The following TYRO3 variants were observed in gnomAD, a reference collection of about 807,000 sequenced individuals.
The protein encoded by TYRO3 is tyrosine-protein kinase receptor TYRO3.
Under a neutral mutation model 95.2 loss-of-function variants are expected in TYRO3, and 38 were observed. The ratio of observed to expected loss-of-function variants is 0.40; its 90% confidence interval spans 0.31 to 0.52. The LOEUF (loss-of-function observed/expected upper bound fraction) is 0.52. Among genes scored for constraint, TYRO3 ranks in the 20% least tolerant of loss-of-function variants. The probability of loss-of-function intolerance (pLI) is 0.56; values close to 1 mark genes in which losing one functional copy is unlikely to be tolerated. For missense variants in TYRO3, 812 were observed against 1,116.4 expected, an observed-to-expected ratio of 0.73 and a Z score of 3.89; for synonymous variants, 367 against 432.9, an observed-to-expected ratio of 0.85 and a Z score of 1.89.
intron 4 of TYRO3, among the ~76,000 whole-genome samples, chr15:41,563,744 G>A (rs2055685834): frequency 6.6e-6 from 1 of 152,198 alleles, no homozygotes; most frequent in African/African-American, 2.4e-5. Context: ...TGTGCATAAA[G>A]AGCTGAGAAC....
At chr15:41,576,066 T>G (rs2055855917) in intron 18 of TYRO3, among the ~76,000 whole-genome samples, 1 of 131,510 alleles carries the variant, frequency 7.6e-6, no homozygotes, top group Non-Finnish European at 1.5e-5. Context: ...ATCACACCAT[T>G]GCACTCCAGC....
At chr15:41,563,067 G>A (rs1057241223) in intron 4 of TYRO3, among the ~76,000 whole-genome samples, 6 of 151,986 alleles carry the variant, frequency 3.9e-5, no homozygotes, top group Admixed American at 6.6e-5. Context: ...ACCAGCCCAC[G>A]CAGAACTAGG....
At position 41,561,221 on chromosome 15, in the gene TYRO3, C is replaced by T. The variant is rs764531844; in HGVS notation, c.219C>T (p.Asp73=). The part of the protein sequence containing the change: ...NCSVEGMEEP[D]IQWVKDGAVV... ...GTGTGGAGGGGATGGAGGAGCCTGA[C>T]ATCCAGTGGGTGAAGGATGGGGCTG... Residue 73 remains aspartate (D), a synonymous_variant, in exon 2 of 19, where the codon GAC becomes GAT. Transcript: ENST00000263798. 2.5e-5 allele frequency: 40 copies of T among 1,614,110 alleles called. No homozygotes were observed. In the East Asian group the frequency reaches 8.2e-4, roughly 33 times the overall value.
At chr15:41,573,539 A>G in intron 17 of TYRO3, 72 bp downstream of exon 17, 1 of 1,572,288 alleles carries the variant, frequency 6.4e-7, no homozygotes, top group Non-Finnish European at 8.7e-7. Context: ...TTAAGGGCCT[A>G]GCCAAGTCTG....
Position 41,568,324 on chromosome 15 carries a change from C to T in TYRO3, c.1069C>T (p.Pro357Ser). 1.2e-6 allele frequency: 2 copies of T among 1,614,042 alleles called. No homozygotes were observed. The highest frequency in any genetic ancestry group is 1.7e-6 in the Non-Finnish European group (2 of 1,180,010). Residue 357 changes from proline to serine, a missense_variant, in exon 8 of 19, where the codon CCC (proline) becomes TCC (serine). Transcript: ENST00000263798. ...GGCCCCTTTGGAAGGCCCCCTGGGA[C>T]CCTACAAACTGTCCTGGGTTCAAGA... ...PEAPLEGPLG[P>S]YKLSWVQDNG...
intron 9 of TYRO3, 93 bp downstream of exon 9, chr15:41,569,115 C>G: frequency 6.9e-7 from 1 of 1,446,762 alleles, no homozygotes; most frequent in Non-Finnish European, 9.4e-7. Context: ...TAGCATCTCC[C>G]CTCCTAGTAG....
chr15:41,562,220 GTGTGCC>G, intron 3 of TYRO3: 1 of 218,934 alleles, frequency 4.6e-6, no homozygotes, highest in Non-Finnish European at 8.9e-6. Context: ...GCATGGTGGC[GTGTGCC>G]TGTAGTCCCA....
intron 6 of TYRO3, among the ~76,000 whole-genome samples, chr15:41,566,354 A>G (rs1354315158): frequency 7.5e-6 from 1 of 134,042 alleles, no homozygotes; most frequent in African/African-American, 2.8e-5. Context: ...AAAAAAGAGG[A>G]TCCTACTCTG....
At chr15:41,561,477 G>A (rs2055654658) in intron 2 of TYRO3, 62 bp from the exon 3 acceptor site, 1 of 1,533,396 alleles carries the variant, frequency 6.5e-7, no homozygotes, top group Non-Finnish European at 8.8e-7. Context: ...AACTCATCAA[G>A]TTTGCCCAGC....
intron 18 of TYRO3, among the ~76,000 whole-genome samples, chr15:41,575,355 G>A (rs1440359514): frequency 1.3e-5 from 2 of 152,218 alleles, no homozygotes; most frequent in Non-Finnish European, 2.9e-5. Flanking sequence ...CTAATCTGGC[G>A]CTGTAGAAGC....
In TYRO3 at chr15:41,570,129, G is replaced by A. The variant is rs760003502; in HGVS notation, c.1355G>A (p.Arg452Gln). The change falls in exon 10 of 19, where the codon CGA becomes CAA. Residue 452 changes from arginine to glutamine, a missense_variant. Coordinates refer to ENST00000263798, the MANE Select transcript of TYRO3 (RefSeq NM_006293.4). ...GCTGCCCTGGCCCTCATCCTGCTTC[G>A]AAAGAGACGGAAAGAGACGCGGTTT... is the stretch of plus-strand genomic sequence containing the variant. ...TAAALALILL[R>Q]KRRKETRFGQ... 6.8e-6 allele frequency: 11 copies of A among 1,614,066 alleles called. No homozygotes were observed. In the South Asian group the frequency reaches 7.7e-5, roughly 11 times the overall value.
At chr15:41,569,077 G>A in intron 9 of TYRO3, 55 bp downstream of exon 9, 1 of 1,601,762 alleles carries the variant, frequency 6.2e-7, no homozygotes, top group Admixed American at 1.7e-5. Context: ...GTTTTCAAGG[G>A]CAACCTAGAC....
rs768839663 is a variant in TYRO3, at chr15:41,578,238, C to T, written c.2635C>T (p.Leu879=). ...CCTCAATGAGACACAGAGGCTTTTG[C>T]TGCTGCAGCAAGGGCTACTGCCACA... ...SPLNETQRLL[L]LQQGLLPHSS... The change falls in exon 19 of 19, where the codon CTG becomes TTG. Residue 879 remains leucine, a synonymous_variant. Transcript: ENST00000263798. The T allele has an allele frequency of 1.2e-6, 2 of 1,613,614 alleles. No homozygotes were observed. The highest frequency in any genetic ancestry group is 1.7e-5 in the Admixed American group (1 of 60,026).
chr15:41,569,056 A>G (rs1188788888), intron 9 of TYRO3, 34 bp downstream of exon 9: 3 of 1,610,186 alleles, frequency 1.9e-6, no homozygotes, highest in Non-Finnish European at 1.7e-6. Context: ...GCAGAGGCTC[A>G]GGGGATCAAG....
At chr15:41,572,881 CCCTT>C in intron 15 of TYRO3, 117 bp from the exon 16 acceptor site, 8 of 833,804 alleles carry the variant, frequency 9.6e-6, no homozygotes, top group South Asian at 1.8e-5. Context: ...GCCCTCCATC[CCCTT>C]CCTTCCTTCC....
At position 41,579,541 on chromosome 15, in the gene TYRO3, G is replaced by C. The variant is rs1483842832; in HGVS notation, c.*1265G>C. 1 of 151,928 alleles carries C rather than the reference G, an allele frequency of 6.6e-6. No homozygotes were observed. Among genetic ancestry groups the C allele is most frequent in the Non-Finnish European group, 1.5e-5 (1 of 68,028 alleles). The allele number at this position is 151,928 out of a possible 1,614,324, so 9.4% of individuals were successfully genotyped here. A position where few individuals can be genotyped will look rare whatever the true frequency, so the allele number is the denominator to read the frequency against. The stretch of plus-strand genomic sequence containing the variant: ...ATTTTTGTATTTTTAGTAGAGATGT[G>C]GTTTCGCCATGTTGGCCAGGGTGGT... On this transcript the variant is annotated 3_prime_UTR_variant, in exon 19 of 19. Coordinates refer to ENST00000263798, the MANE Select transcript of TYRO3 (RefSeq NM_006293.4).
At chr15:41,571,224 T>A in intron 13 of TYRO3, 106 bp downstream of exon 13, 1 of 1,048,474 alleles carries the variant, frequency 9.5e-7, no homozygotes, top group Non-Finnish European at 1.5e-6. Context: ...CAAGAAGAGC[T>A]GGGCAGCACT....
Position 41,565,776 on chromosome 15 carries a change from C to T in TYRO3, c.783+635C>T, listed in dbSNP as rs371344570. On this transcript the variant is annotated intron_variant, in intron 6 of 18. Transcript: ENST00000263798. Reference sequence around the variant, plus strand: ...AGCTCAAACCTTTGCTGATACTCACCCTATCATGCTCCACCTTACCCCCCA... The same window carrying T: ...AGCTCAAACCTTTGCTGATACTCACTCTATCATGCTCCACCTTACCCCCCA... Among the ~76,000 whole-genome samples, 10 of 151,940 alleles carry T rather than the reference C, an allele frequency of 6.6e-5. No homozygotes were observed. In the East Asian group the frequency reaches 1.9e-3, roughly 29 times the overall value.
intron 18 of TYRO3, among the ~76,000 whole-genome samples, chr15:41,576,298 A>T (rs1358139850): frequency 6.6e-6 from 1 of 151,550 alleles, no homozygotes; most frequent in African/African-American, 2.4e-5. Flanking sequence ...GATTCAAGCG[A>T]TTCTCGTGCC....
Sources: gnomAD v4.1 joint callset for allele counts (sites outside exome capture counted in the v4.1 genomes callset) on GRCh38, gnomAD v4.1.1 for gene constraint, MANE v1.5 for transcripts, NCBI Gene and HGNC (gene_info 2026-07-23, HGNC 2026-07-21) for gene names.